The following ASTN1 variants were observed in gnomAD, a reference collection of about 807,000 sequenced individuals.
ASTN1 encodes the protein astrotactin-1.
In ASTN1, 41 loss-of-function variants were observed where a neutral mutation model predicts 140.7. The observed-to-expected ratio is 0.29, with a 90% CI of 0.23 to 0.38. The LOEUF (loss-of-function observed/expected upper bound fraction) is 0.38, where lower values mean the gene tolerates loss of function less well. Among genes scored for constraint, ASTN1 ranks in the 10% least tolerant of loss-of-function variants. The pLI, the probability that ASTN1 is intolerant of heterozygous loss-of-function variation, is 1.00. For synonymous variants in ASTN1, 640 were observed against 652.2 expected (o/e 0.98, Z 0.29); for missense variants, 1,479 against 1,678.8 (o/e 0.88, Z 2.08).
rs190722251 is a variant in ASTN1 at position 176,986,243 on chromosome 1, G to T, written c.1524-21006C>A. On this transcript the variant is annotated intron_variant, in intron 8 of 22. Coordinates refer to ENST00000361833, the MANE Select transcript of ASTN1 (RefSeq NM_004319.3). Reference sequence around the variant, plus strand: ...TAGGTCTAAATAAGAAATAACTGCAGAAAAGGGGTTCTGATCACTCCAGAG... The same window carrying T: ...TAGGTCTAAATAAGAAATAACTGCATAAAAGGGGTTCTGATCACTCCAGAG... 1.1e-4 allele frequency among the ~76,000 whole-genome samples: 16 copies of T among 152,300 alleles called. 1 individual carries two copies. Among genetic ancestry groups the T allele is most frequent in the South Asian group, 2.1e-4 (1 of 4,824 alleles).
chr1:177,149,345 GTA>G (rs1491198390), intron 1 of ASTN1, among the ~76,000 whole-genome samples: 5 of 64,672 alleles, frequency 7.7e-5, no homozygotes, highest in Admixed American at 5.1e-4. Context: ...TATATATATA[GTA>G]TATATATAGT....
intron 1 of ASTN1, among the ~76,000 whole-genome samples, chr1:177,161,371 T>G (rs1647355376): frequency 6.6e-6 from 1 of 152,216 alleles, no homozygotes; most frequent in Non-Finnish European, 1.5e-5. Context: ...CTTTTCTCCA[T>G]GACCTTAAAT....
chr1:177,096,622 G>A (rs551276066), intron 1 of ASTN1, among the ~76,000 whole-genome samples: 3 of 152,092 alleles, frequency 2.0e-5, no homozygotes, highest in Non-Finnish European at 4.4e-5. Flanking sequence ...TTTTTCCCCT[G>A]CTGTTGTTCT....
At chr1:177,002,008 C>T (rs1383122635) in intron 8 of ASTN1, among the ~76,000 whole-genome samples, 1 of 152,144 alleles carries the variant, frequency 6.6e-6, no homozygotes, top group African/African-American at 2.4e-5. Flanking sequence ...GGGAATTTCA[C>T]CTATAGTGCT....
intron 8 of ASTN1, among the ~76,000 whole-genome samples, chr1:177,011,316 C>T (rs897652136): frequency 3.3e-5 from 5 of 152,150 alleles, no homozygotes; most frequent in Admixed American, 2.6e-4. Flanking sequence ...CAGACTTTCG[C>T]TCACATCTTT....
intron 1 of ASTN1, among the ~76,000 whole-genome samples, chr1:177,158,614 T>C (rs1323472366): frequency 6.6e-6 from 1 of 151,834 alleles, no homozygotes; most frequent in African/African-American, 2.4e-5. Context: ...TACTAGCCTT[T>C]TAAGTTTAAT....
intron 2 of ASTN1, among the ~76,000 whole-genome samples, chr1:177,045,385 T>G (rs1677169120): frequency 6.6e-6 from 1 of 152,158 alleles, no homozygotes; most frequent in African/African-American, 2.4e-5. Context: ...TCCGCTGGCT[T>G]GCTAAGGTTG....
rs113419859 is a variant in ASTN1 at position 176,916,242 on chromosome 1, G to A, written c.2671+17910C>T. On this transcript the variant is annotated intron_variant, in intron 16 of 22. Coordinates refer to ENST00000361833, the MANE Select transcript of ASTN1 (RefSeq NM_004319.3). Reference sequence around the variant, plus strand: ...CACAGGTTATTTGTGAGATAAGGATGCAGATGAGTATGTAGGTTCCCCATT... The same window carrying A: ...CACAGGTTATTTGTGAGATAAGGATACAGATGAGTATGTAGGTTCCCCATT... Among the ~76,000 whole-genome samples the A allele has an allele frequency of 2.9e-3, 438 of 152,288 alleles. 1 individual carries two copies. Among genetic ancestry groups the A allele is most frequent in the African/African-American group, 9.8e-3 (406 of 41,554 alleles).
chr1:177,011,122 T>C (rs1476040444), intron 8 of ASTN1, among the ~76,000 whole-genome samples: 5 of 152,178 alleles, frequency 3.3e-5, no homozygotes, highest in Admixed American at 3.3e-4. Flanking sequence ...CATTGAGCTT[T>C]TTATTTACCA....
rs555783641 is a variant in ASTN1 at position 177,046,882 on chromosome 1, C to T, written c.472-14033G>A. On this transcript the variant is annotated intron_variant, in intron 2 of 22. Transcript: ENST00000361833. Reference sequence around the variant, plus strand: ...ATCTTACAGGACAGAGGGGAAAGTGCGCTGACTGATCACCTGCTCCCCATC... The same window carrying T: ...ATCTTACAGGACAGAGGGGAAAGTGTGCTGACTGATCACCTGCTCCCCATC... Among the ~76,000 whole-genome samples, 24 of 152,226 alleles carry T rather than the reference C, an allele frequency of 1.6e-4. No individual in the cohort carries two copies. The South Asian group carries it at 2.9e-3, about 18-fold the overall frequency.
At chr1:177,029,324 A>T (rs1676299658) in intron 5 of ASTN1, 2 of 573,768 alleles carry the variant, frequency 3.5e-6, no homozygotes, top group South Asian at 2.9e-5. Context: ...TGTTTGTCTG[A>T]ACAGCAAAAT....
At position 176,900,950 on chromosome 1, in the gene ASTN1, A is replaced by G. The variant is rs185926439; in HGVS notation, c.2672-6120T>C. Among the ~76,000 whole-genome samples, 1,039 of 152,368 alleles carry G rather than the reference A, an allele frequency of 6.8e-3. 3 individuals are homozygous for G. Among genetic ancestry groups the G allele is most frequent in the Non-Finnish European group, 0.012 (807 of 68,034 alleles). On this transcript the variant is annotated intron_variant, in intron 16 of 22. Coordinates refer to ENST00000361833, the MANE Select transcript of ASTN1 (RefSeq NM_004319.3). ...TGTAATACACACTAATGTATTCAAC[A>G]ATTCATTAAACAAATATTCATTAAA...
At chr1:176,920,248 G>A (rs892056821) in intron 16 of ASTN1, among the ~76,000 whole-genome samples, 33 of 152,198 alleles carry the variant, frequency 2.2e-4, no homozygotes, top group African/African-American at 7.9e-4. Context: ...GAGGAGATAA[G>A]GGTGACTGCT....
At chr1:177,059,015 A>T (rs1385142218) in intron 2 of ASTN1, among the ~76,000 whole-genome samples, 1 of 152,166 alleles carries the variant, frequency 6.6e-6, no homozygotes, top group Non-Finnish European at 1.5e-5. Context: ...TCCCCTTCTG[A>T]CATATTGTTT....
chr1:177,146,213 T>C (rs901617473), intron 1 of ASTN1, among the ~76,000 whole-genome samples: 1 of 152,216 alleles, frequency 6.6e-6, no homozygotes, highest in Non-Finnish European at 1.5e-5. Context: ...GATACTCATC[T>C]CCACTTCTTT....
intron 19 of ASTN1, 81 bp downstream of exon 19, chr1:176,884,258 A>C: frequency 6.6e-7 from 1 of 1,504,896 alleles, no homozygotes; most frequent in Non-Finnish European, 9.1e-7. Flanking sequence ...CCTGGAGCAA[A>C]GCCATGAGGC....
intron 8 of ASTN1, among the ~76,000 whole-genome samples, chr1:177,014,350 G>C (rs1675439648): frequency 6.6e-6 from 1 of 152,202 alleles, no homozygotes; most frequent in Non-Finnish European, 1.5e-5. Flanking sequence ...CTGAGTCTCT[G>C]TATGTCACCC....
intron 1 of ASTN1, among the ~76,000 whole-genome samples, chr1:177,117,831 C>T (rs1423451628): frequency 6.6e-6 from 1 of 152,162 alleles, no homozygotes; most frequent in East Asian, 1.9e-4. Context: ...ATCAATCACC[C>T]TTTGAAATTC....
intron 16 of ASTN1, among the ~76,000 whole-genome samples, chr1:176,905,312 C>T (rs1341212472): frequency 6.6e-6 from 1 of 152,198 alleles, no homozygotes; most frequent in East Asian, 1.9e-4. Flanking sequence ...TAGGCAGCAC[C>T]ATAGCGGAAA....
Sources: gnomAD v4.1 joint callset for allele counts (sites outside exome capture counted in the v4.1 genomes callset) on GRCh38, gnomAD v4.1.1 for gene constraint, MANE v1.5 for transcripts, NCBI Gene and HGNC (gene_info 2026-07-23, HGNC 2026-07-21) for gene names.